The following LRBA variants were observed in gnomAD, a reference collection of about 807,000 sequenced individuals.
LRBA encodes lipopolysaccharide-responsive and beige-like anchor protein.
LRBA carries 176 observed loss-of-function variants against 330.0 expected under a neutral mutation model. The ratio of observed to expected loss-of-function variants is 0.53; its 90% CI spans 0.47 to 0.60. The LOEUF (loss-of-function observed/expected upper bound fraction) is 0.60, where lower values mean the gene tolerates loss of function less well. Ranked by LOEUF, LRBA falls within the 20% of genes least tolerant of loss-of-function variation. LRBA has a pLI of 0.00. For synonymous variants in LRBA, 1,230 were observed against 1,193.0 expected (o/e 1.03, Z -0.64); for missense variants, 3,259 against 3,444.8 (o/e 0.95, Z 1.35).
chr4:150,435,738 T>C (rs1447816107), intron 45 of LRBA, 30 bp from the exon 46 acceptor site: 2 of 1,578,580 alleles, frequency 1.3e-6, no homozygotes, highest in Non-Finnish European at 1.7e-6. Flanking sequence ...AAAATCCATA[T>C]GTTCCCTCAG....
intron 34 of LRBA, among the ~76,000 whole-genome samples, chr4:150,780,958 C>G (rs2126591601): frequency 6.6e-6 from 1 of 152,292 alleles, no homozygotes; most frequent in Non-Finnish European, 1.5e-5. Context: ...CGGCTCACTG[C>G]AAGCTTCACC....
chr4:150,602,994 CAA>C (rs1287272305), intron 37 of LRBA, among the ~76,000 whole-genome samples: 1 of 152,092 alleles, frequency 6.6e-6, no homozygotes, highest in Non-Finnish European at 1.5e-5. Context: ...TATCTATCCC[CAA>C]AAGTTATATT....
intron 26 of LRBA, 84 bp downstream of exon 26, chr4:150,848,734 C>A (rs1214479893): frequency 2.2e-5 from 23 of 1,060,772 alleles, no homozygotes; most frequent in African/African-American, 3.2e-5. Context: ...TTCTCACCAA[C>A]AGAAGACGGA....
chr4:150,862,468 GAATTGAAC>G (rs1369198223), intron 22 of LRBA, among the ~76,000 whole-genome samples: 3 of 152,052 alleles, frequency 2.0e-5, no homozygotes, highest in Non-Finnish European at 4.4e-5. Flanking sequence ...TCATAGGTGG[GAATTGAAC>G]AATGAGAACA....
chr4:150,584,310 G>A (rs932137000), intron 40 of LRBA: 1 of 504,284 alleles, frequency 2.0e-6, no homozygotes, highest in Non-Finnish European at 3.3e-6. Context: ...TTGCACAAAA[G>A]TGATCGTTTT....
At chr4:150,489,740 T>C (rs986288321) in intron 41 of LRBA, among the ~76,000 whole-genome samples, 8 of 133,046 alleles carry the variant, frequency 6.0e-5, no homozygotes, top group African/African-American at 2.2e-4. Context: ...ATAATAATTA[T>C]ACATAGGAAT....
At chr4:150,552,006 G>A (rs115850507) in intron 40 of LRBA, among the ~76,000 whole-genome samples, 4 of 152,188 alleles carry the variant, frequency 2.6e-5, no homozygotes, top group South Asian at 2.1e-4. Flanking sequence ...GACTCAGATC[G>A]TCTGACATTA....
intron 2 of LRBA, among the ~76,000 whole-genome samples, chr4:151,003,056 G>A (rs1466269703): frequency 6.6e-6 from 1 of 151,256 alleles, no homozygotes; most frequent in Non-Finnish European, 1.5e-5. Flanking sequence ...GTGTGTGTGT[G>A]TGTGTGTGTG....
chr4:150,881,648 T>C (rs988657604), intron 17 of LRBA, among the ~76,000 whole-genome samples: 2 of 152,294 alleles, frequency 1.3e-5, no homozygotes, highest in African/African-American at 2.4e-5. Flanking sequence ...AACCTGCACA[T>C]GTACCCCCTG....
intron 42 of LRBA, among the ~76,000 whole-genome samples, chr4:150,473,553 G>A (rs548918513): frequency 1.1e-4 from 17 of 152,260 alleles, no homozygotes; most frequent in African/African-American, 4.1e-4. Flanking sequence ...GAGAAAGGGT[G>A]AATTCCCTCT....
chr4:150,580,733 A>G (rs1771202068), intron 40 of LRBA: 1 of 150,022 alleles, frequency 6.7e-6, no homozygotes, highest in Non-Finnish European at 1.5e-5. Context: ...ACAATGTTCT[A>G]GCTTTTTTTT....
intron 37 of LRBA, among the ~76,000 whole-genome samples, chr4:150,613,554 G>A (rs1775470267): frequency 6.6e-6 from 1 of 152,172 alleles, no homozygotes; most frequent in South Asian, 2.1e-4. Context: ...GGCTATAGAG[G>A]GCAGGGGCCA....
At chr4:150,574,718 C>T (rs536512129) in intron 40 of LRBA, among the ~76,000 whole-genome samples, 6 of 152,020 alleles carry the variant, frequency 3.9e-5, no homozygotes, top group African/African-American at 1.4e-4. Context: ...CTTTGATTAG[C>T]AGAAAAGATT....
intron 34 of LRBA, among the ~76,000 whole-genome samples, chr4:150,779,423 G>A (rs1428590414): frequency 6.6e-6 from 1 of 151,662 alleles, no homozygotes; most frequent in Non-Finnish European, 1.5e-5. Flanking sequence ...CAATAAAGTG[G>A]CATTTATTAG....
At chr4:150,294,307 C>G (rs1246387802) in intron 53 of LRBA, among the ~76,000 whole-genome samples, 1 of 152,114 alleles carries the variant, frequency 6.6e-6, no homozygotes, top group Non-Finnish European at 1.5e-5. Context: ...ACTAAGAATG[C>G]TTTAGTGATA....
chr4:150,847,169 T>C (rs571282669), intron 26 of LRBA, among the ~76,000 whole-genome samples: 51 of 152,316 alleles, frequency 3.3e-4, no homozygotes, highest in African/African-American at 1.2e-3. Context: ...TTTTTAGCTA[T>C]AGATAAGTTT....
chr4:150,668,963 G>T (rs1781810787), intron 37 of LRBA, among the ~76,000 whole-genome samples: 1 of 152,148 alleles, frequency 6.6e-6, no homozygotes, highest in Non-Finnish European at 1.5e-5. Context: ...GTAAAAGCCA[G>T]CCATGAAGAG....
chr4:150,522,832 G>T (rs753991010), intron 40 of LRBA, among the ~76,000 whole-genome samples: 3 of 152,190 alleles, frequency 2.0e-5, no homozygotes, highest in Non-Finnish European at 4.4e-5. Flanking sequence ...ATCCTTCCAA[G>T]AGTCCCATGG....
chr4:150,849,979 A>C (rs1186052364), intron 24 of LRBA, among the ~76,000 whole-genome samples: 6 of 151,740 alleles, frequency 4.0e-5, no homozygotes, highest in Non-Finnish European at 8.9e-5. Flanking sequence ...ACACAAATAA[A>C]AAAAAATAAA....
Sources: gnomAD v4.1 joint callset for allele counts (sites outside exome capture counted in the v4.1 genomes callset) on GRCh38, gnomAD v4.1.1 for gene constraint, MANE v1.5 for transcripts, NCBI Gene and HGNC (gene_info 2026-07-23, HGNC 2026-07-21) for gene names.